The following CIART variants were observed in gnomAD, a reference collection of about 807,000 sequenced individuals.
CIART encodes the protein circadian-associated transcriptional repressor.
A neutral mutation model predicts 22.1 loss-of-function variants in CIART; 7 were observed. The observed-to-expected ratio is 0.32, with a 90% CI of 0.18 to 0.59. The LOEUF (loss-of-function observed/expected upper bound fraction) is 0.59. Ranked by LOEUF, CIART falls within the 20% of genes least tolerant of loss-of-function variation. CIART has a pLI of 0.86. For synonymous variants in CIART, 163 were observed against 174.6 expected, an observed-to-expected ratio of 0.93 and a Z score of 0.53; for missense variants, 440 against 478.0, an observed-to-expected ratio of 0.92 and a Z score of 0.74.
chr1:150,286,338 T>C, intron 4 of CIART, 92 bp from the exon 5 acceptor site: 1 of 1,188,718 alleles, frequency 8.4e-7, no homozygotes. Flanking sequence ...GCAAACTGAG[T>C]TCCCAAGGAA....
chr1:150,283,576 G>A lies in CIART; in HGVS notation c.309G>A (p.Glu103=), dbSNP rs782432969. The change falls in exon 1 of 5, where the codon GAG becomes GAA. Residue 103 remains glutamate (E), a synonymous_variant. Transcript: ENST00000290363. ...AAAGATCAAGAGATGGTGAACTGGA[G>A]ACCAGTCTAAACACCCAAGGTTGTA... ...GAKRSRDGEL[E]TSLNTQGCTT... 1.9e-6 allele frequency: 3 copies of A among 1,614,108 alleles called. No homozygotes were observed. The highest frequency in any genetic ancestry group is 3.3e-5 in the Admixed American group (2 of 60,026).
intron 2 of CIART, 48 bp from the exon 3 acceptor site, chr1:150,284,378 T>G (rs782088875): frequency 6.7e-7 from 1 of 1,499,246 alleles, no homozygotes; most frequent in Non-Finnish European, 9.3e-7. Context: ...TTTACCTGAC[T>G]ACATGCTTGA....
Position 150,283,037 on chromosome 1 carries a change from A to G in CIART, c.-231A>G, listed in dbSNP as rs1052984374. On this transcript the variant is annotated 5_prime_UTR_variant, in exon 1 of 5. Coordinates refer to ENST00000290363, the MANE Select transcript of CIART (RefSeq NM_144697.4). ...TGCGGCGGCCAGAGAGGGAATCCCAAGCTCTTAATGGGCGGGGGTGGGGGT... is the reference window on the plus strand; with the variant it reads ...TGCGGCGGCCAGAGAGGGAATCCCAGGCTCTTAATGGGCGGGGGTGGGGGT... The G allele has an allele frequency of 2.3e-5, 7 of 302,638 alleles. No homozygotes were observed. Among genetic ancestry groups the G allele is most frequent in the Non-Finnish European group, 4.0e-5 (7 of 173,482 alleles). 18.7% of individuals were successfully genotyped at this position (302,638 alleles called of 1,614,324 possible).
At position 150,283,170 on chromosome 1, in the gene CIART, T is replaced by TA; in HGVS notation, c.-95dup. On this transcript the variant is annotated 5_prime_UTR_variant, in exon 1 of 5. Coordinates refer to ENST00000290363, the MANE Select transcript of CIART (RefSeq NM_144697.4). ...ATCTCCCAGTTCATTTCCTAATCCT[T>TA]AAACTCTGGTTTCAAACTCCCTCGC... 4 of 1,317,096 alleles carry TA rather than the reference T, an allele frequency of 3.0e-6. No individual in the cohort carries two copies. Among genetic ancestry groups the TA allele is most frequent in the Non-Finnish European group, 4.1e-6 (4 of 975,768 alleles). The allele number at this position is 1,317,096 out of a possible 1,614,324, so 81.6% of individuals were successfully genotyped here.
rs1553854794 is a variant in CIART, at chr1:150,286,840, T to C, written c.1044T>C (p.Tyr348=). 2.5e-6 allele frequency: 4 copies of C among 1,613,092 alleles called. No homozygotes were observed. The African/African-American group carries it at 4.0e-5, about 16-fold the overall frequency. The change falls in exon 5 of 5, where the codon TAT becomes TAC. Residue 348 remains tyrosine (Y), a synonymous_variant. Transcript: ENST00000290363. ...LPVTLPSDWS[Y]TLSPPSLPTL... ...TAACTCTGCCATCAGACTGGAGCTATACCCTATCCCCTCCCAGTCTACCCA... is the reference window on the plus strand; with the variant it reads ...TAACTCTGCCATCAGACTGGAGCTACACCCTATCCCCTCCCAGTCTACCCA...
intron 4 of CIART, 23 bp from the exon 5 acceptor site, chr1:150,286,407 T>C (rs1553854619): frequency 1.3e-6 from 2 of 1,530,142 alleles, no homozygotes; most frequent in Non-Finnish European, 1.8e-6. Context: ...CATTTCTTTT[T>C]TTCTCATTTC....
chr1:150,286,528 A>C lies in CIART; in HGVS notation c.732A>C (p.Pro244=). 1 of 1,597,492 alleles carries C rather than the reference A, an allele frequency of 6.3e-7. No individual in the cohort carries two copies. Among genetic ancestry groups the C allele is most frequent in the Non-Finnish European group, 8.6e-7 (1 of 1,164,962 alleles). The change falls in exon 5 of 5, where the codon CCA becomes CCC. Residue 244 remains proline (P), a synonymous_variant. Coordinates refer to ENST00000290363, the MANE Select transcript of CIART (RefSeq NM_144697.4). The stretch of plus-strand genomic sequence containing the variant: ...AGCTAGGACATCTAGCTTTAAAACC[A>C]AAGCAGCCTTGGCACCTCACACAAT... ...QTQLGHLALK[P]KQPWHLTQWP... is the part of the protein sequence containing the mutation.
At chr1:150,284,384 C>A in intron 2 of CIART, 42 bp from the exon 3 acceptor site, 1 of 1,515,806 alleles carries the variant, frequency 6.6e-7, no homozygotes, top group Non-Finnish European at 9.2e-7. Context: ...TGACTACATG[C>A]TTGAATCTCA....
Position 150,286,951 on chromosome 1 carries a change from C to T in CIART, c.1155C>T (p.Leu385=). 6.4e-7 allele frequency: 1 copy of T among 1,568,142 alleles called. No homozygotes were observed. Among genetic ancestry groups the T allele is most frequent in the Non-Finnish European group, 8.7e-7 (1 of 1,154,674 alleles). The change falls in exon 5 of 5, where the codon CTC becomes CTT. Residue 385 remains leucine (L), a synonymous_variant. Transcript: ENST00000290363. ...PVAADAHLLN[L] is the part of the protein sequence containing the mutation. ...CTGCTGATGCTCATCTTCTCAACCT[C>T]TAGCCCAGGGCATACAGCTGTCCAC...
intron 4 of CIART, among the ~76,000 whole-genome samples, chr1:150,286,141 G>C (rs1413004307): frequency 6.6e-6 from 1 of 151,948 alleles, no homozygotes; most frequent in Non-Finnish European, 1.5e-5. Context: ...TTTATAAATA[G>C]TGAGAACCTA....
At chr1:150,286,356 G>A (rs1653481762) in intron 4 of CIART, 74 bp from the exon 5 acceptor site, 1 of 1,362,582 alleles carries the variant, frequency 7.3e-7, no homozygotes, top group South Asian at 1.3e-5. Flanking sequence ...GAATGCAAAG[G>A]TTTAAGTAAC....
chr1:150,286,258 A>G (rs1553854588), intron 4 of CIART, among the ~76,000 whole-genome samples, 172 bp from the exon 5 acceptor site: 1 of 152,166 alleles, frequency 6.6e-6, no homozygotes, highest in Non-Finnish European at 1.5e-5. Flanking sequence ...TAATTTAGTT[A>G]CCAAAACTTT....
At chr1:150,284,040 G>A (rs1378802602) in intron 2 of CIART, among the ~76,000 whole-genome samples, 160 bp downstream of exon 2, 2 of 121,728 alleles carry the variant, frequency 1.6e-5, no homozygotes, top group African/African-American at 7.1e-5. Flanking sequence ...ATTTTGAGAC[G>A]GAGTTTTGCT....
intron 4 of CIART, among the ~76,000 whole-genome samples, chr1:150,285,998 G>A (rs1174445046): frequency 6.6e-6 from 1 of 151,998 alleles, no homozygotes; most frequent in Non-Finnish European, 1.5e-5. Flanking sequence ...AAAAACAGTA[G>A]GAGGATCTTG....
intron 2 of CIART, among the ~76,000 whole-genome samples, 195 bp from the exon 3 acceptor site, chr1:150,284,231 C>G (rs1369271211): frequency 6.6e-6 from 1 of 152,046 alleles, no homozygotes; most frequent in Non-Finnish European, 1.5e-5. Flanking sequence ...GTTGGCCAGG[C>G]TGGTCTCAAA....
chr1:150,286,553 T>C lies in CIART; in HGVS notation c.757T>C (p.Trp253Arg), dbSNP rs1553854673. The C allele has an allele frequency of 1.9e-6, 3 of 1,604,320 alleles. No homozygotes were observed. The highest frequency in any genetic ancestry group is 2.2e-5 in the East Asian group (1 of 44,848). Residue 253 changes from tryptophan to arginine, a missense_variant, in exon 5 of 5, where the codon TGG becomes CGG. Physicochemically the swap from Trp to Arg is moderately radical, Grantham distance 101. Coordinates refer to ENST00000290363, the MANE Select transcript of CIART (RefSeq NM_144697.4). ...AAAGCAGCCTTGGCACCTCACACAA[T>C]GGCCAGCTATGAACCTCACCTGGAT... ...KPKQPWHLTQ[W>R]PAMNLTWIHT...
chr1:150,283,176 C>G lies in CIART; in HGVS notation c.-92C>G, dbSNP rs919039161. On this transcript the variant is annotated 5_prime_UTR_variant, in exon 1 of 5. Coordinates refer to ENST00000290363, the MANE Select transcript of CIART (RefSeq NM_144697.4). ...CAGTTCATTTCCTAATCCTTAAACT[C>G]TGGTTTCAAACTCCCTCGCTTTGCT... is the stretch of plus-strand genomic sequence containing the variant. 13 of 1,337,466 alleles carry G rather than the reference C, an allele frequency of 9.7e-6. No homozygotes were observed. The highest frequency in any genetic ancestry group is 1.3e-5 in the Non-Finnish European group (13 of 993,234). 82.8% of individuals were successfully genotyped at this position (1,337,466 alleles called of 1,614,324 possible). A position where few individuals can be genotyped will look rare whatever the true frequency, so the allele number is the denominator to read the frequency against.
chr1:150,284,311 G>T (rs1553854207), intron 2 of CIART, 115 bp from the exon 3 acceptor site: 15 of 1,019,868 alleles, frequency 1.5e-5, no homozygotes, highest in Admixed American at 1.8e-5. Context: ...AAGCCACCTT[G>T]CCTGGCCCGA....
chr1:150,284,561 T>A, intron 3 of CIART, 36 bp from the exon 4 acceptor site: 2 of 1,595,552 alleles, frequency 1.3e-6, no homozygotes, highest in Non-Finnish European at 1.7e-6. Flanking sequence ...TCTCCAATCC[T>A]GTTGCTGGTT....
Sources: allele counts gnomAD v4.1 joint callset (sites outside exome capture counted in the v4.1 genomes callset), GRCh38; gene constraint gnomAD v4.1.1; transcripts MANE v1.5; gene names NCBI Gene and HGNC (gene_info 2026-07-23, HGNC 2026-07-21).